IFT122: variants seen among roughly 807,000 people sequenced by gnomAD.
IFT122 encodes the protein intraflagellar transport protein 122 homolog.
IFT122 carries 118 observed loss-of-function variants against 161.6 expected under a neutral mutation model. The observed-to-expected ratio is 0.73, with a 90% CI of 0.63 to 0.85. The LOEUF (loss-of-function observed/expected upper bound fraction) is 0.85, where lower values mean the gene tolerates loss of function less well. IFT122 is among the 40% of genes least tolerant of loss of function. The probability of loss-of-function intolerance (pLI) is 0.00; values close to 1 mark genes in which losing one functional copy is unlikely to be tolerated. For synonymous variants in IFT122, 550 were observed against 602.4 expected (o/e 0.91, Z 1.27); for missense variants, 1,381 against 1,579.6 (o/e 0.87, Z 2.13).
rs369435682 is a variant in IFT122 at position 129,444,386 on chromosome 3, C to T, written c.41+4015C>T. Among the ~76,000 whole-genome samples the T allele has an allele frequency of 6.8e-4, 104 of 152,332 alleles. No homozygotes were observed. The South Asian group carries it at 0.021, about 31-fold the overall frequency. On this transcript the variant is annotated intron_variant, in intron 1 of 29. Transcript: ENST00000348417. ...ATCATCCTTGTTCCAGCTTCTTTAT[C>T]AGCCAGCTCTGTGACTAGGAGCAAA...
chr3:129,476,932 T>C lies in IFT122; in HGVS notation c.1147+131T>C, dbSNP rs555455625. ...TTGCAAACCTGTTAGCCACTGGGTCTGTGTCTTGTTTTCTTTTTTTTTTTT... is the reference window on the plus strand; with the variant it reads ...TTGCAAACCTGTTAGCCACTGGGTCCGTGTCTTGTTTTCTTTTTTTTTTTT... On this transcript the variant is annotated intron_variant, in intron 11 of 29. Transcript: ENST00000348417. 54 of 1,030,918 alleles carry C rather than the reference T, an allele frequency of 5.2e-5. No homozygotes were observed. The Admixed American group carries it at 1.1e-3, about 22-fold the overall frequency. The allele number at this position is 1,030,918 out of a possible 1,614,324, so 63.9% of individuals were successfully genotyped here. A position where few individuals can be genotyped will look rare whatever the true frequency, so the allele number is the denominator to read the frequency against.
In IFT122 at chr3:129,449,885, C is replaced by A; in HGVS notation, c.56C>A (p.Ala19Glu). 1 of 1,612,620 alleles carries A rather than the reference C, an allele frequency of 6.2e-7. No individual in the cohort carries two copies. Among genetic ancestry groups the A allele is most frequent in the Non-Finnish European group, 8.5e-7 (1 of 1,178,632 alleles). Residue 19 changes from alanine to glutamate, a missense_variant, in exon 2 of 30, where the codon GCA (alanine) becomes GAA (glutamate). Physicochemically the swap from Ala to Glu is moderately radical, Grantham distance 107. Around this residue, in one of 7 missense-constraint regions of IFT122, gnomAD observed 134 missense variants for 137.4 expected, o/e 0.98. Coordinates refer to ENST00000348417, the MANE Select transcript of IFT122 (RefSeq NM_052989.3). ...CTTCTGTTCAGTATAAATGACATCG[C>A]ATTTAAGCCTGATGGAACTCAACTG... ...DKAEHCINDIAFKPDGTQLIL... is the reference protein window; with the variant it reads ...DKAEHCINDIEFKPDGTQLIL...
rs559098879 is a variant in IFT122 at position 129,481,072 on chromosome 3, A to T, written c.1489-458A>T. On this transcript the variant is annotated intron_variant, in intron 13 of 29. Coordinates refer to ENST00000348417, the MANE Select transcript of IFT122 (RefSeq NM_052989.3). ...TAGCAAGACCTTATCTCTAAAAAAA[A>T]TTTTTTTTAAACCAGGGATATCAGT... Among the ~76,000 whole-genome samples the T allele has an allele frequency of 2.0e-3, 311 of 152,172 alleles. 2 individuals carry two copies. The highest frequency in any genetic ancestry group is 6.2e-3 in the African/African-American group (257 of 41,520).
At chr3:129,470,238 T>A (rs932310834) in intron 9 of IFT122, among the ~76,000 whole-genome samples, 13 of 151,178 alleles carry the variant, frequency 8.6e-5, no homozygotes, top group Non-Finnish European at 1.5e-4. Context: ...GGGTATGATT[T>A]TTTATTTATT....
intron 18 of IFT122, among the ~76,000 whole-genome samples, chr3:129,499,125 T>C (rs68155216): frequency 0.14 from 21,770 of 151,850 alleles, 1,912 homozygotes; most frequent in South Asian, 0.26. Context: ...TGCCTCAGAT[T>C]CCCCCATGGC....
chr3:129,469,890 A>T (rs2077185489), intron 9 of IFT122, among the ~76,000 whole-genome samples: 1 of 152,236 alleles, frequency 6.6e-6, no homozygotes, highest in Non-Finnish European at 1.5e-5. Context: ...GCAAGAGCTC[A>T]CAGGCTGGCG....
intron 4 of IFT122, chr3:129,460,793 C>T (rs1266493077): frequency 7.1e-7 from 1 of 1,407,680 alleles, no homozygotes; most frequent in African/African-American, 1.4e-5. Flanking sequence ...GTTGAGACGC[C>T]TTGCATGGTA....
intron 25 of IFT122, 186 bp downstream of exon 25, chr3:129,514,740 G>T: frequency 1.4e-6 from 1 of 728,372 alleles, no homozygotes; most frequent in Non-Finnish European, 2.4e-6. Context: ...TGTTCTCCCC[G>T]CAGTCCACCT....
At chr3:129,504,158 T>C in intron 20 of IFT122, 161 bp from the exon 21 acceptor site, 3 of 650,482 alleles carry the variant, frequency 4.6e-6, no homozygotes, top group Non-Finnish European at 8.3e-6. Context: ...AGCTGATTTG[T>C]TTTTGCATTT....
intron 18 of IFT122, among the ~76,000 whole-genome samples, chr3:129,498,790 A>G (rs1244280259): frequency 6.6e-6 from 1 of 152,188 alleles, no homozygotes; most frequent in African/African-American, 2.4e-5. Flanking sequence ...TCCACAGGGT[A>G]CATTATTCCT....
chr3:129,497,292 C>G (rs575710036), intron 18 of IFT122, among the ~76,000 whole-genome samples: 1 of 152,246 alleles, frequency 6.6e-6, no homozygotes, highest in South Asian at 2.1e-4. Context: ...AATGCCTGGC[C>G]TTGGTGCCCC....
rs1430350283 is a variant in IFT122 at position 129,520,491 on chromosome 3, A to G, written c.*226A>G. On this transcript the variant is annotated 3_prime_UTR_variant, in exon 30 of 30. Transcript: ENST00000348417. ...AATGTACATATATTTTCTAAGGAAA[A>G]AAATCTGTTACTTTCAGAACGGCTC... is the stretch of plus-strand genomic sequence containing the variant. 2 of 607,188 alleles carry G rather than the reference A, an allele frequency of 3.3e-6. No homozygotes were observed. The highest frequency in any genetic ancestry group is 5.9e-6 in the Non-Finnish European group (2 of 338,564). The allele number at this position is 607,188 out of a possible 1,614,324, so 37.6% of individuals were successfully genotyped here. A position where few individuals can be genotyped will look rare whatever the true frequency, so the allele number is the denominator to read the frequency against.
At chr3:129,477,568 C>T (rs888490407) in intron 11 of IFT122, among the ~76,000 whole-genome samples, 2 of 152,138 alleles carry the variant, frequency 1.3e-5, no homozygotes, top group African/African-American at 4.8e-5. Flanking sequence ...ACAGTGTCCC[C>T]CTTAGGGACA....
At chr3:129,496,230 G>C (rs1038243975) in intron 18 of IFT122, among the ~76,000 whole-genome samples, 37 of 152,076 alleles carry the variant, frequency 2.4e-4, no homozygotes, top group Admixed American at 1.2e-3. Flanking sequence ...CTCCCCAGCA[G>C]AGCTGGGCCT....
chr3:129,512,427 A>G lies in IFT122; in HGVS notation c.2987+15A>G, dbSNP rs373111458. 449 of 1,543,520 alleles carry G rather than the reference A, an allele frequency of 2.9e-4. No homozygotes were observed. Among genetic ancestry groups the G allele is most frequent in the Non-Finnish European group, 3.7e-4 (416 of 1,115,688 alleles). The stretch of plus-strand genomic sequence containing the variant: ...ATCTCTAAAGTGTATCCTTTCTCTT[A>G]TCCCTCCTCCGTCCCACCACCGTTC... On this transcript the variant is annotated intron_variant, in intron 24 of 29. Coordinates refer to ENST00000348417, the MANE Select transcript of IFT122 (RefSeq NM_052989.3).
At chr3:129,452,154 C>A in intron 3 of IFT122, 156 bp downstream of exon 3, 1 of 655,444 alleles carries the variant, frequency 1.5e-6, no homozygotes, top group Non-Finnish European at 2.8e-6. Context: ...GTCATTCAAT[C>A]TAGCAAGTAT....
chr3:129,497,575 A>T (rs552297962), intron 18 of IFT122, among the ~76,000 whole-genome samples: 1 of 152,204 alleles, frequency 6.6e-6, no homozygotes, highest in Admixed American at 6.5e-5. Flanking sequence ...GCCCCTCCTT[A>T]CACTGTGGTG....
At chr3:129,460,349 G>A (rs750880494) in intron 4 of IFT122, among the ~76,000 whole-genome samples, 2 of 152,052 alleles carry the variant, frequency 1.3e-5, no homozygotes, top group Non-Finnish European at 2.9e-5. Context: ...TTCATTTCAC[G>A]TAATGTCCTC....
chr3:129,459,200 A>G (rs1246558865), intron 4 of IFT122: 3 of 420,034 alleles, frequency 7.1e-6, no homozygotes, highest in South Asian at 1.8e-5. Context: ...ATTTCTCACA[A>G]TTGCAGTTTT....
Sources: allele counts gnomAD v4.1 joint callset (sites outside exome capture counted in the v4.1 genomes callset), GRCh38; gene constraint gnomAD v4.1.1; regional missense constraint gnomAD v4.1.1; transcripts MANE v1.5; gene names NCBI Gene and HGNC (gene_info 2026-07-23, HGNC 2026-07-21).